CMSS1: variants seen among roughly 807,000 people sequenced by gnomAD.
CMSS1 encodes cms1 ribosomal small subunit homolog, also known as protein CMSS1.
CMSS1 carries 33 observed loss-of-function variants against 43.5 expected under a neutral mutation model. The observed-to-expected ratio is 0.76, with a 90% CI of 0.57 to 1.01. CMSS1 has a LOEUF of 1.01. CMSS1 is among the 50% of genes least tolerant of loss of function. The pLI, the probability that CMSS1 is intolerant of heterozygous loss-of-function variation, is 0.00. For missense variants in CMSS1, 313 were observed against 326.4 expected (o/e 0.96, Z 0.32); for synonymous variants, 115 against 117.2 (o/e 0.98, Z 0.12).
At chr3:99,950,016 C>T (rs372573265) in intron 1 of CMSS1, among the ~76,000 whole-genome samples, 59 of 152,218 alleles carry the variant, frequency 3.9e-4, no homozygotes, top group Middle Eastern at 6.8e-3. Context: ...CTTCTACCTT[C>T]GACTTTATAT....
At chr3:99,956,891 C>T (rs1708335884) in intron 1 of CMSS1, among the ~76,000 whole-genome samples, 1 of 152,188 alleles carries the variant, frequency 6.6e-6, no homozygotes, top group Non-Finnish European at 1.5e-5. Context: ...CCACCCCCGA[C>T]TTACAGTCCA....
chr3:100,037,110 G>T (rs79869201), intron 1 of CMSS1, among the ~76,000 whole-genome samples: 3,654 of 151,654 alleles, frequency 0.024, 119 homozygotes, highest in Admixed American at 0.084. Context: ...AACAGTATTG[G>T]GACAATTGGT....
At chr3:99,858,864 G>T (rs1376116548) in intron 1 of CMSS1, among the ~76,000 whole-genome samples, 1 of 152,234 alleles carries the variant, frequency 6.6e-6, no homozygotes, top group African/African-American at 2.4e-5. Context: ...CTCTGGAAAA[G>T]CGTCTGGTTT....
At chr3:99,833,224 G>A (rs1942755500) in intron 1 of CMSS1, 3 of 1,610,700 alleles carry the variant, frequency 1.9e-6, no homozygotes, top group Non-Finnish European at 2.5e-6. Context: ...AAAGTCTGAA[G>A]GATGTTGAGT....
At chr3:99,930,687 T>C in intron 1 of CMSS1, 1 of 1,419,812 alleles carries the variant, frequency 7.0e-7, no homozygotes. Flanking sequence ...CACAGATATC[T>C]ATTTCTGTGG....
chr3:100,117,852 T>C (rs867378797), intron 1 of CMSS1, among the ~76,000 whole-genome samples: 3,879 of 90,286 alleles, frequency 0.043, 254 homozygotes, highest in African/African-American at 0.14. Context: ...TATATATATA[T>C]ACATATATAT....
intron 1 of CMSS1, among the ~76,000 whole-genome samples, chr3:100,007,617 A>G (rs1317150712): frequency 3.9e-5 from 6 of 152,204 alleles, no homozygotes; most frequent in Admixed American, 3.9e-4. Context: ...ATTGGCCCAG[A>G]AAGTGTACAG....
chr3:99,932,248 C>T lies in CMSS1; in HGVS notation c.64+114205C>T, dbSNP rs114964119. Reference sequence around the variant, plus strand: ...GTATTTATCATTCCCCTGTATGTTTCATACTTTTTAAAAACATGTACATAT... The same window carrying T: ...GTATTTATCATTCCCCTGTATGTTTTATACTTTTTAAAAACATGTACATAT... On this transcript the variant is annotated intron_variant, in intron 1 of 9. Coordinates refer to ENST00000421999, the MANE Select transcript of CMSS1 (RefSeq NM_032359.4). Among the ~76,000 whole-genome samples, 688 of 152,200 alleles carry T rather than the reference C, an allele frequency of 4.5e-3. 7 individuals carry two copies. The highest frequency in any genetic ancestry group is 0.016 in the African/African-American group (674 of 41,548).
At chr3:99,840,858 T>C (rs1291880386) in intron 1 of CMSS1, among the ~76,000 whole-genome samples, 1 of 152,230 alleles carries the variant, frequency 6.6e-6, no homozygotes, top group Non-Finnish European at 1.5e-5. Flanking sequence ...CCTCCAGTGC[T>C]CCTTCCCCCA....
intron 1 of CMSS1, among the ~76,000 whole-genome samples, chr3:100,066,748 G>A (rs1313128871): frequency 1.1e-5 from 1 of 94,818 alleles, no homozygotes; most frequent in African/African-American, 3.4e-5. Flanking sequence ...AGCCGGGATG[G>A]TCTCGATCTC....
At chr3:99,902,279 A>T (rs1706461883) in intron 1 of CMSS1, among the ~76,000 whole-genome samples, 2 of 152,222 alleles carry the variant, frequency 1.3e-5, no homozygotes, top group African/African-American at 2.4e-5. Flanking sequence ...GAGGTTACTC[A>T]TAACAGTTTC....
At chr3:100,065,976 T>A (rs2065656705) in intron 1 of CMSS1, among the ~76,000 whole-genome samples, 1 of 152,210 alleles carries the variant, frequency 6.6e-6, no homozygotes, top group South Asian at 2.1e-4. Context: ...AATCAGAAAC[T>A]CTGGGAATGC....
chr3:99,968,067 C>T (rs1316064467), intron 1 of CMSS1, among the ~76,000 whole-genome samples: 1 of 152,132 alleles, frequency 6.6e-6, no homozygotes, highest in Non-Finnish European at 1.5e-5. Context: ...TTGGGGAAAA[C>T]ATGTACAAAG....
chr3:99,873,804 G>A (rs1430527588), intron 1 of CMSS1, among the ~76,000 whole-genome samples: 1 of 152,130 alleles, frequency 6.6e-6, no homozygotes, highest in East Asian at 1.9e-4. Context: ...TGTTACTATA[G>A]TCTCCATCAC....
intron 1 of CMSS1, among the ~76,000 whole-genome samples, chr3:99,833,974 G>A (rs146554014): frequency 6.6e-6 from 1 of 152,310 alleles, no homozygotes; most frequent in African/African-American, 2.4e-5. Context: ...AGAAGGAAAT[G>A]CTAAACTGAA....
At chr3:100,014,874 C>CTTTTTTTTTT (rs200759774) in intron 1 of CMSS1, among the ~76,000 whole-genome samples, 15 of 28,204 alleles carry the variant, frequency 5.3e-4, no homozygotes, top group South Asian at 1.2e-3. Flanking sequence ...TTTTTCTTTT[C>CTTTTTTTTTT]TTTTTTTTTT....
chr3:100,154,209 T>G (rs1380968175), intron 2 of CMSS1, among the ~76,000 whole-genome samples: 2 of 152,216 alleles, frequency 1.3e-5, no homozygotes, highest in Non-Finnish European at 2.9e-5. Flanking sequence ...CATACAAGTT[T>G]CTTGGGGAAT....
At chr3:99,872,269 C>CTCTG (rs1457646701) in intron 1 of CMSS1, among the ~76,000 whole-genome samples, 3 of 110,740 alleles carry the variant, frequency 2.7e-5, no homozygotes, top group Admixed American at 2.7e-4. Context: ...TGTGCCAGGA[C>CTCTG]TGTGTGTGTG....
chr3:99,846,856 T>A (rs1943387665), intron 1 of CMSS1, among the ~76,000 whole-genome samples: 1 of 152,198 alleles, frequency 6.6e-6, no homozygotes, highest in Non-Finnish European at 1.5e-5. Flanking sequence ...CACACTAAAT[T>A]AACAATTATG....
Sources: allele counts gnomAD v4.1 joint callset (sites outside exome capture counted in the v4.1 genomes callset), GRCh38; gene constraint gnomAD v4.1.1; transcripts MANE v1.5; gene names NCBI Gene and HGNC (gene_info 2026-07-23, HGNC 2026-07-21).